The following VWA8 variants were observed in gnomAD, a reference collection of about 807,000 sequenced individuals.
The protein encoded by VWA8 is von Willebrand factor A domain containing 8, also known as von Willebrand factor A domain-containing protein 8.
Under a neutral mutation model 241.5 loss-of-function variants are expected in VWA8, and 221 were observed. The observed-to-expected ratio is 0.91, with a 90% CI of 0.82 to 1.02. The LOEUF (loss-of-function observed/expected upper bound fraction) is 1.02. Ranked by LOEUF, VWA8 falls within the 50% of genes least tolerant of loss-of-function variation. The pLI, the probability that VWA8 is intolerant of heterozygous loss-of-function variation, is 0.00. For synonymous variants in VWA8, 852 were observed against 827.1 expected, an observed-to-expected ratio of 1.03 and a Z score of -0.52; for missense variants, 2,322 against 2,328.7, an observed-to-expected ratio of 1.00 and a Z score of 0.06.
intron 5 of VWA8, among the ~76,000 whole-genome samples, chr13:41,889,990 T>G (rs1874750005): frequency 6.6e-6 from 1 of 152,224 alleles, no homozygotes. Context: ...ATTAACAACA[T>G]GAATCAATGA....
intron 37 of VWA8, among the ~76,000 whole-genome samples, chr13:41,629,219 G>A (rs1173910676): frequency 6.6e-6 from 1 of 152,082 alleles, no homozygotes; most frequent in African/African-American, 2.4e-5. Flanking sequence ...CCAGGGAGGT[G>A]AAAGATCTCT....
chr13:41,787,285 C>T, intron 18 of VWA8, 152 bp downstream of exon 18: 1 of 580,374 alleles, frequency 1.7e-6, no homozygotes, highest in South Asian at 2.2e-5. Flanking sequence ...TTAAAAAAAT[C>T]AGATTCATTT....
intron 21 of VWA8, among the ~76,000 whole-genome samples, chr13:41,758,723 G>A (rs79173525): frequency 0.16 from 24,439 of 150,588 alleles, 2,109 homozygotes; most frequent in Non-Finnish European, 0.2. Context: ...CATAATATGA[G>A]TAGTTAATAT....
At chr13:41,833,058 G>A (rs1333994552) in intron 13 of VWA8, among the ~76,000 whole-genome samples, 1 of 152,058 alleles carries the variant, frequency 6.6e-6, no homozygotes, top group Non-Finnish European at 1.5e-5. Flanking sequence ...TCAGCAATGT[G>A]ACATGCTGCA....
chr13:41,703,927 C>A (rs1031205789), intron 26 of VWA8, among the ~76,000 whole-genome samples: 1 of 151,880 alleles, frequency 6.6e-6, no homozygotes, highest in Non-Finnish European at 1.5e-5. Flanking sequence ...TACAGGCATG[C>A]GCCACCACAC....
Position 41,611,640 on chromosome 13 carries a change from C to T in VWA8, c.4813G>A (p.Asp1605Asn), listed in dbSNP as rs759779447. 3.1e-6 allele frequency: 5 copies of T among 1,613,998 alleles called. No individual in the cohort carries two copies. The highest frequency in any genetic ancestry group is 1.7e-5 in the Admixed American group (1 of 60,004). ...TVYQVSQAEK[D>N]AVPEEVKRAA... ...CTCTTGACCTCTTCGGGAACTGCAT[C>T]TTTCTCAGCCTGAGAGACCTGGTAC... The change falls in exon 39 of 45, where the codon GAT becomes AAT. Residue 1605 changes from aspartate (D) to asparagine (N), a missense_variant. Coordinates refer to ENST00000379310, the MANE Select transcript of VWA8 (RefSeq NM_015058.2).
chr13:41,833,798 C>T (rs747209684), intron 12 of VWA8, among the ~76,000 whole-genome samples: 8 of 151,954 alleles, frequency 5.3e-5, no homozygotes, highest in Non-Finnish European at 1.2e-4. Flanking sequence ...CATTTTCTTC[C>T]GCTTTTAAAA....
intron 14 of VWA8, among the ~76,000 whole-genome samples, chr13:41,829,932 T>TA (rs1178494586): frequency 1.3e-5 from 2 of 152,026 alleles, no homozygotes; most frequent in South Asian, 2.1e-4. Context: ...ACTATTGAAA[T>TA]AAAAAATTTT....
chr13:41,729,778 A>T, intron 22 of VWA8, 101 bp from the exon 23 acceptor site: 2 of 991,124 alleles, frequency 2.0e-6, no homozygotes, highest in East Asian at 2.7e-5. Context: ...GGCTTTATTT[A>T]AGTTACAAGT....
intron 12 of VWA8, among the ~76,000 whole-genome samples, chr13:41,850,306 A>C (rs1343669738): frequency 6.6e-6 from 1 of 152,194 alleles, no homozygotes; most frequent in African/African-American, 2.4e-5. Flanking sequence ...CACTTTAATT[A>C]AATAAGGAGC....
At chr13:41,690,398 T>C (rs2045168426) in intron 32 of VWA8, 123 bp from the exon 33 acceptor site, 1 of 764,026 alleles carries the variant, frequency 1.3e-6, no homozygotes, top group African/African-American at 1.8e-5. Context: ...TAATTTGCAG[T>C]TTTAGAGTTT....
At chr13:41,724,546 C>T (rs2045417280) in intron 24 of VWA8, among the ~76,000 whole-genome samples, 2 of 152,132 alleles carry the variant, frequency 1.3e-5, no homozygotes, top group Non-Finnish European at 2.9e-5. Flanking sequence ...GGAATGTGAA[C>T]AGTTTACCTG....
intron 2 of VWA8, among the ~76,000 whole-genome samples, chr13:41,942,866 G>A (rs745627804): frequency 1.3e-5 from 2 of 152,182 alleles, no homozygotes; most frequent in Non-Finnish European, 2.9e-5. Flanking sequence ...AAATCCCTCA[G>A]AAGCACTCTC....
intron 18 of VWA8, among the ~76,000 whole-genome samples, chr13:41,786,117 T>G (rs919984209): frequency 6.6e-6 from 1 of 152,170 alleles, no homozygotes; most frequent in African/African-American, 2.4e-5. Context: ...ATTTGTCAAG[T>G]TTCTCAGCCT....
At chr13:41,857,082 T>C (rs1872783744) in intron 12 of VWA8, among the ~76,000 whole-genome samples, 1 of 152,150 alleles carries the variant, frequency 6.6e-6, no homozygotes, top group South Asian at 2.1e-4. Flanking sequence ...TCAAGAGGCT[T>C]TCAATTCTCT....
intron 12 of VWA8, among the ~76,000 whole-genome samples, chr13:41,864,153 A>G (rs541421132): frequency 3.3e-5 from 5 of 151,722 alleles, no homozygotes; most frequent in Non-Finnish European, 7.4e-5. Flanking sequence ...AAAAAAAAAA[A>G]AAAAAAGAAA....
chr13:41,635,117 A>G (rs1160973583), intron 37 of VWA8, among the ~76,000 whole-genome samples: 1 of 152,188 alleles, frequency 6.6e-6, no homozygotes, highest in Non-Finnish European at 1.5e-5. Flanking sequence ...GCTGATTGAT[A>G]ATATTTTATT....
At chr13:41,773,009 C>G (rs2137922947) in intron 20 of VWA8, among the ~76,000 whole-genome samples, 1 of 152,302 alleles carries the variant, frequency 6.6e-6, no homozygotes, top group Non-Finnish European at 1.5e-5. Flanking sequence ...ACATTTCTTT[C>G]ATAGAGTTCA....
intron 2 of VWA8, among the ~76,000 whole-genome samples, chr13:41,947,861 G>C (rs1190388607): frequency 6.7e-6 from 1 of 150,194 alleles, no homozygotes; most frequent in Non-Finnish European, 1.5e-5. Flanking sequence ...GAACCTGGGA[G>C]GGGGAGGTTG....
Sources: allele counts gnomAD v4.1 joint callset (sites outside exome capture counted in the v4.1 genomes callset), GRCh38; gene constraint gnomAD v4.1.1; transcripts MANE v1.5; gene names NCBI Gene and HGNC (gene_info 2026-07-23, HGNC 2026-07-21).